Variants in PPP2R5E observed in about 807,000 individuals in gnomAD.
The protein encoded by PPP2R5E is protein phosphatase 2 regulatory subunit B'epsilon, also known as serine/threonine-protein phosphatase 2A 56 kDa regulatory subunit epsilon isoform.
Under a neutral mutation model 65.3 loss-of-function variants are expected in PPP2R5E, and 4 were observed. The ratio of observed to expected loss-of-function variants is 0.06; its 90% CI spans 0.03 to 0.14. The LOEUF (loss-of-function observed/expected upper bound fraction) is 0.14, where lower values mean the gene tolerates loss of function less well. Among genes scored for constraint, PPP2R5E ranks in the 10% least tolerant of loss-of-function variants. PPP2R5E has a pLI of 1.00. For missense variants in PPP2R5E, 274 were observed against 556.1 expected (o/e 0.49, Z 5.10); for synonymous variants, 183 against 187.4 (o/e 0.98, Z 0.19).
chr14:63,426,369 G>C (rs1887332535), intron 3 of PPP2R5E, among the ~76,000 whole-genome samples: 2 of 151,738 alleles, frequency 1.3e-5, no homozygotes, highest in African/African-American at 4.8e-5. Flanking sequence ...TCAACTCAGT[G>C]GAATATTGTG....
chr14:63,523,408 C>T (rs1015931738), intron 2 of PPP2R5E, among the ~76,000 whole-genome samples: 4 of 152,044 alleles, frequency 2.6e-5, no homozygotes, highest in African/African-American at 7.3e-5. Flanking sequence ...TGTGACCTTA[C>T]CCCCAACCCT....
At chr14:63,391,136 C>G (rs982204215) in intron 10 of PPP2R5E, among the ~76,000 whole-genome samples, 1 of 152,118 alleles carries the variant, frequency 6.6e-6, no homozygotes, top group African/African-American at 2.4e-5. Flanking sequence ...AAGGGGGCCA[C>G]TCGGAAGGGA....
intron 13 of PPP2R5E, 67 bp downstream of exon 13, chr14:63,381,989 C>A: frequency 7.6e-7 from 1 of 1,320,090 alleles, no homozygotes; most frequent in South Asian, 1.4e-5. Context: ...TAGGCAACTT[C>A]AGCAAAGAGC....
chr14:63,382,111 T>C lies in PPP2R5E; in HGVS notation c.1249A>G (p.Met417Val). The C allele has an allele frequency of 6.2e-7, 1 of 1,614,036 alleles. No homozygotes were observed. Among genetic ancestry groups the C allele is most frequent in the Non-Finnish European group, 8.5e-7 (1 of 1,179,916 alleles). The stretch of plus-strand genomic sequence containing the variant: ...AGCTCGTCAAACATGGTGCTGTTCA[T>C]TTCCATAAATGCCTTCAACACATTG... ...VYNVLKAFME[M>V]NSTMFDELTA... Residue 417 changes from methionine (M) to valine (V), a missense_variant, in exon 13 of 14, where the codon ATG (methionine) becomes GTG (valine). Coordinates refer to ENST00000337537, the MANE Select transcript of PPP2R5E (RefSeq NM_006246.5).
chr14:63,433,044 T>G (rs984562892), intron 3 of PPP2R5E, among the ~76,000 whole-genome samples: 7 of 143,540 alleles, frequency 4.9e-5, no homozygotes, highest in East Asian at 2.0e-4. Context: ...TTTTTTTTTT[T>G]TTTTTTTTTT....
chr14:63,393,903 G>C lies in PPP2R5E; in HGVS notation c.766C>G (p.Leu256Val). Residue 256 changes from leucine (L) to valine (V), a missense_variant, in exon 8 of 14, where the codon CTT (leucine) becomes GTT (valine). Around this residue, in one of 6 missense-constraint regions of PPP2R5E, gnomAD observed 129 missense variants for 254.9 expected, o/e 0.51. Transcript: ENST00000337537. ...GSIINGFALP[L>V]KAEHKQFLVK... ...AGAAACTGTTTGTGTTCTGCCTTAA[G>C]AGGTAAAGCAAAGCCATTGATAATA... 1.2e-6 allele frequency: 2 copies of C among 1,610,386 alleles called. No individual in the cohort carries two copies. Among genetic ancestry groups the C allele is most frequent in the Non-Finnish European group, 1.7e-6 (2 of 1,176,840 alleles).
chr14:63,373,559 T>C lies in PPP2R5E; in HGVS notation c.*2450A>G, dbSNP rs1274314835. On this transcript the variant is annotated 3_prime_UTR_variant, in exon 14 of 14. Coordinates refer to ENST00000337537, the MANE Select transcript of PPP2R5E (RefSeq NM_006246.5). ...AGTTGCCCTACGAATTTTAGACATA[T>C]AGCTTTAATTGATTCTATAAATATG... is the stretch of plus-strand genomic sequence containing the variant. 6.6e-6 allele frequency: 1 copy of C among 152,260 alleles called. No individual in the cohort carries two copies. Among genetic ancestry groups the C allele is most frequent in the Non-Finnish European group, 1.5e-5 (1 of 68,048 alleles). The allele number at this position is 152,260 out of a possible 1,614,324, so 9.4% of individuals were successfully genotyped here. A position where few individuals can be genotyped will look rare whatever the true frequency, so the allele number is the denominator to read the frequency against.
At chr14:63,438,328 A>G (rs1036211890) in intron 3 of PPP2R5E, among the ~76,000 whole-genome samples, 35 of 152,348 alleles carry the variant, frequency 2.3e-4, no homozygotes, top group Middle Eastern at 3.4e-3. Flanking sequence ...CAGCCAAATC[A>G]TACAAACTAA....
intron 2 of PPP2R5E, among the ~76,000 whole-genome samples, chr14:63,473,110 G>A (rs1890211281): frequency 1.3e-5 from 2 of 152,182 alleles, no homozygotes; most frequent in Admixed American, 1.3e-4. Flanking sequence ...GATAGTCAAA[G>A]ATTACTAATG....
chr14:63,416,773 T>A (rs903129053), intron 4 of PPP2R5E, among the ~76,000 whole-genome samples: 1 of 152,092 alleles, frequency 6.6e-6, no homozygotes, highest in African/African-American at 2.4e-5. Flanking sequence ...TGTTTTATAG[T>A]TTTATAAATC....
intron 3 of PPP2R5E, among the ~76,000 whole-genome samples, chr14:63,428,647 C>T (rs187773891): frequency 4.9e-4 from 75 of 151,936 alleles, no homozygotes; most frequent in Admixed American, 2.4e-3. Context: ...GGTGCTGCAA[C>T]AAAAACAAAA....
At chr14:63,518,793 A>T (rs1892763674) in intron 2 of PPP2R5E, among the ~76,000 whole-genome samples, 1 of 152,218 alleles carries the variant, frequency 6.6e-6, no homozygotes, top group Non-Finnish European at 1.5e-5. Context: ...ATTATAAATA[A>T]TCACATGGAA....
chr14:63,469,284 C>T (rs1351699238), intron 2 of PPP2R5E, among the ~76,000 whole-genome samples: 1 of 151,934 alleles, frequency 6.6e-6, no homozygotes, highest in Non-Finnish European at 1.5e-5. Flanking sequence ...AAAAAAGGTA[C>T]AAGAAGATAT....
At chr14:63,499,733 A>C (rs1891763778) in intron 2 of PPP2R5E, among the ~76,000 whole-genome samples, 1 of 152,094 alleles carries the variant, frequency 6.6e-6, no homozygotes, top group South Asian at 2.1e-4. Context: ...TCTCAGAAAA[A>C]AAAAAAAAAG....
intron 2 of PPP2R5E, among the ~76,000 whole-genome samples, chr14:63,537,799 C>T (rs1893730899): frequency 6.6e-6 from 1 of 152,174 alleles, no homozygotes; most frequent in African/African-American, 2.4e-5. Flanking sequence ...GTTCATATCC[C>T]CTTTCTCCCA....
intron 2 of PPP2R5E, among the ~76,000 whole-genome samples, chr14:63,482,468 C>A (rs749160325): frequency 6.6e-5 from 10 of 151,982 alleles, no homozygotes; most frequent in African/African-American, 2.4e-4. Context: ...TGGAAAACAA[C>A]AACAACAAAA....
At chr14:63,506,109 T>C (rs1892159675) in intron 2 of PPP2R5E, among the ~76,000 whole-genome samples, 1 of 152,110 alleles carries the variant, frequency 6.6e-6, no homozygotes, top group South Asian at 2.1e-4. Flanking sequence ...ATCATATATT[T>C]GATAAGGGAC....
intron 13 of PPP2R5E, among the ~76,000 whole-genome samples, chr14:63,376,771 G>A (rs1031173308): frequency 1.3e-5 from 2 of 152,184 alleles, no homozygotes; most frequent in African/African-American, 4.8e-5. Flanking sequence ...AGTACATGAT[G>A]CAGGAATATA....
chr14:63,466,083 A>G (rs547886005), intron 2 of PPP2R5E, among the ~76,000 whole-genome samples: 1 of 152,220 alleles, frequency 6.6e-6, no homozygotes, highest in South Asian at 2.1e-4. Context: ...GTCCTTCCCC[A>G]AGAGATTACT....
Sources: gnomAD v4.1 joint callset for allele counts (sites outside exome capture counted in the v4.1 genomes callset) on GRCh38, gnomAD v4.1.1 for gene constraint, gnomAD v4.1.1 regional missense constraint, MANE v1.5 for transcripts, NCBI Gene and HGNC (gene_info 2026-07-23, HGNC 2026-07-21) for gene names.